The following SAYSD1 variants were observed in gnomAD, a reference collection of about 807,000 sequenced individuals.
The protein encoded by SAYSD1 is SAYSvFN domain-containing protein 1.
A neutral mutation model predicts 14.5 loss-of-function variants in SAYSD1; 15 were observed. The observed-to-expected ratio is 1.03, with a 90% CI of 0.69 to 1.59. SAYSD1 has a LOEUF of 1.59. Among genes scored for constraint, SAYSD1 ranks in the 40% most tolerant of loss-of-function variants. The pLI, the probability that SAYSD1 is intolerant of heterozygous loss-of-function variation, is 0.00. For missense variants in SAYSD1, 247 were observed against 227.3 expected, an observed-to-expected ratio of 1.09 and a Z score of -0.56; for synonymous variants, 105 against 102.6, an observed-to-expected ratio of 1.02 and a Z score of -0.14.
chr6:39,111,069 A>G (rs1014588012), intron 1 of SAYSD1: 1 of 152,188 alleles, frequency 6.6e-6, no homozygotes, highest in Non-Finnish European at 1.5e-5. Context: ...TCATGGCCTA[A>G]ACCAGATGAT....
At chr6:39,108,408 A>C in intron 1 of SAYSD1, among the ~76,000 whole-genome samples, 1 of 101,162 alleles carries the variant, frequency 9.9e-6, no homozygotes, top group Non-Finnish European at 1.8e-5. Flanking sequence ...TTAGGGAGCT[A>C]GAGGTAGATG....
chr6:39,114,848 G>A, intron 1 of SAYSD1, 35 bp downstream of exon 1: 2 of 1,594,148 alleles, frequency 1.3e-6, no homozygotes, highest in South Asian at 2.2e-5. Flanking sequence ...TGGCTCCGAG[G>A]CCAGGTCCTA....
chr6:39,109,426 A>G, intron 1 of SAYSD1: 1 of 1,541,692 alleles, frequency 6.5e-7, no homozygotes, highest in Non-Finnish European at 8.8e-7. Context: ...TTCCTCATCA[A>G]TGACTGCTGA....
At chr6:39,110,795 T>C (rs1375559533) in intron 1 of SAYSD1, 1 of 152,162 alleles carries the variant, frequency 6.6e-6, no homozygotes, top group African/African-American at 2.4e-5. Flanking sequence ...ATAGTTAGCA[T>C]TCTTCTTCAA....
chr6:39,105,731 T>A lies in SAYSD1; in HGVS notation c.253A>T (p.Thr85Ser). The change falls in exon 2 of 2, where the codon ACA becomes TCA. Residue 85 changes from threonine to serine, a missense_variant. Coordinates refer to ENST00000229903, the MANE Select transcript of SAYSD1 (RefSeq NM_018322.3). ...QGSTSETPWN[T>S]AIPLPSCWDQ... ...CAGCACGACGGCAGAGGAATGGCTG[T>A]GTTCCATGGTGTCTCTGATGTGCTG... The A allele has an allele frequency of 6.2e-7, 1 of 1,614,138 alleles. No homozygotes were observed. Among genetic ancestry groups the A allele is most frequent in the Non-Finnish European group, 8.5e-7 (1 of 1,179,996 alleles).
chr6:39,109,413 T>C, intron 1 of SAYSD1: 1 of 1,548,606 alleles, frequency 6.5e-7, no homozygotes, highest in South Asian at 1.2e-5. Context: ...AGGATGTAGA[T>C]ACTTCCTCAT....
rs77064745 is a variant in SAYSD1, at chr6:39,105,466, C to A, written c.518G>T (p.Arg173Leu). The A allele has an allele frequency of 4.9e-4, 791 of 1,614,230 alleles. 4 individuals carry two copies. In the African/African-American group the frequency reaches 9.6e-3, roughly 20 times the overall value. ...QGTLTAEQLE[R>L]ELQLRPLAGR ...TGCCAGGGGTCTCAACTGTAACTCG[C>A]GCTCCAACTGCTCTGCAGTCAGGGT... The change falls in exon 2 of 2, where the codon CGC becomes CTC. Residue 173 changes from arginine (R) to leucine (L), a missense_variant. Arg to Leu is a moderately radical substitution (Grantham distance 102). Transcript: ENST00000229903.
At chr6:39,113,426 A>G (rs1193200561) in intron 1 of SAYSD1, 1 of 152,670 alleles carries the variant, frequency 6.6e-6, no homozygotes, top group Non-Finnish European at 1.5e-5. Flanking sequence ...TAGAGGCAGA[A>G]TCTGAAGAAA....
intron 1 of SAYSD1, chr6:39,112,220 C>G (rs750538174): frequency 6.6e-6 from 1 of 152,580 alleles, no homozygotes; most frequent in Non-Finnish European, 1.5e-5. Flanking sequence ...GAATGATGAC[C>G]TTCAAGAGAC....
At chr6:39,109,592 T>C (rs889582199) in intron 1 of SAYSD1, 176 of 1,378,440 alleles carry the variant, frequency 1.3e-4, no homozygotes, top group Non-Finnish European at 1.5e-4. Context: ...TCTTTGTGCA[T>C]ATACATTACA....
At position 39,105,787 on chromosome 6, in the gene SAYSD1, C is replaced by T. The variant is rs941924869; in HGVS notation, c.208-11G>A. On this transcript the variant is annotated splice_polypyrimidine_tract_variant and intron_variant, in intron 1 of 1. Transcript: ENST00000229903. ...GGGCTGAGCCGCTTCCTAGGATACA[C>T]AAACAAACAAAAGAAAGAATAAAGG... 10 of 1,605,274 alleles carry T rather than the reference C, an allele frequency of 6.2e-6. No homozygotes were observed. The Admixed American group carries it at 1.2e-4, about 19-fold the overall frequency.
chr6:39,109,628 T>G, intron 1 of SAYSD1: 2 of 1,240,970 alleles, frequency 1.6e-6, no homozygotes, highest in Non-Finnish European at 2.0e-6. Flanking sequence ...CATCTGTAGA[T>G]GGACAGGAGA....
chr6:39,115,055 C>A lies in SAYSD1; in HGVS notation c.35G>T (p.Arg12Leu), dbSNP rs148721599. The part of the protein sequence containing the change: ...EQRLAEFRAA[R>L]KRAGLAAQPP... ...TTGGGCCGCCAGACCCGCCCGTTTCCGCGCCGCCCGAAACTCAGCTAACCG... is the reference window on the plus strand; with the variant it reads ...TTGGGCCGCCAGACCCGCCCGTTTCAGCGCCGCCCGAAACTCAGCTAACCG... The change falls in exon 1 of 2, where the codon CGG (arginine) becomes CTG (leucine). Residue 12 changes from arginine to leucine, a missense_variant. Arg to Leu is a moderately radical substitution (Grantham distance 102). Transcript: ENST00000229903. 1.9e-6 allele frequency: 3 copies of A among 1,610,396 alleles called. No homozygotes were observed. The Admixed American group carries it at 5.0e-5, about 27-fold the overall frequency.
In SAYSD1 at chr6:39,105,360, T is replaced by G; in HGVS notation, c.*72A>C. 7.3e-7 allele frequency: 1 copy of G among 1,366,460 alleles called. No homozygotes were observed. The highest frequency in any genetic ancestry group is 1.0e-6 in the Non-Finnish European group (1 of 976,984). 84.6% of individuals were successfully genotyped at this position (1,366,460 alleles called of 1,614,324 possible). The stretch of plus-strand genomic sequence containing the variant: ...CAAGCTGCCCTTAGTCCTATACACC[T>G]GAAATCAAATCCATAGCCAATGGTG... On this transcript the variant is annotated 3_prime_UTR_variant, in exon 2 of 2. Transcript: ENST00000229903.
At position 39,105,333 on chromosome 6, in the gene SAYSD1, C is replaced by A; in HGVS notation, c.*99G>T. The A allele has an allele frequency of 2.1e-6, 2 of 971,454 alleles. No homozygotes were observed. The highest frequency in any genetic ancestry group is 3.1e-5 in the South Asian group (2 of 64,738). 60.2% of individuals were successfully genotyped at this position (971,454 alleles called of 1,614,324 possible). On this transcript the variant is annotated 3_prime_UTR_variant, in exon 2 of 2. Transcript: ENST00000229903. ...AAACTATGCAGTCACAGAGCTAACCCGCAAGCTGCCCTTAGTCCTATACAC... is the reference window on the plus strand; with the variant it reads ...AAACTATGCAGTCACAGAGCTAACCAGCAAGCTGCCCTTAGTCCTATACAC...
intron 1 of SAYSD1, among the ~76,000 whole-genome samples, chr6:39,109,028 G>A (rs796344302): frequency 6.6e-5 from 10 of 152,272 alleles, no homozygotes; most frequent in African/African-American, 1.4e-4. Flanking sequence ...GGAACACAGC[G>A]GGCACATGAC....
chr6:39,109,302 T>C, intron 1 of SAYSD1: 1 of 1,550,566 alleles, frequency 6.4e-7, no homozygotes, highest in Non-Finnish European at 8.7e-7. Flanking sequence ...TGTAGGAATT[T>C]TTAAAAGTTA....
chr6:39,106,759 T>C (rs2746304), intron 1 of SAYSD1, among the ~76,000 whole-genome samples: 95,528 of 152,078 alleles, frequency 0.63, 30,814 homozygotes, highest in East Asian at 0.85. Flanking sequence ...ACTTTCACTG[T>C]CTACAGGATA....
intron 1 of SAYSD1, among the ~76,000 whole-genome samples, chr6:39,109,966 A>G (rs1769595249): frequency 6.6e-6 from 1 of 151,978 alleles, no homozygotes; most frequent in African/African-American, 2.4e-5. Flanking sequence ...CAGTTTCTTT[A>G]TCCCTTCATC....
Sources: allele counts gnomAD v4.1 joint callset (sites outside exome capture counted in the v4.1 genomes callset), GRCh38; gene constraint gnomAD v4.1.1; transcripts MANE v1.5; gene names NCBI Gene and HGNC (gene_info 2026-07-23, HGNC 2026-07-21).